Variants in SMARCA4 observed in about 807,000 individuals in gnomAD.
The protein encoded by SMARCA4 is SWI/SNF-related matrix-associated actin-dependent regulator of chromatin subfamily A member 4.
In SMARCA4, 31 loss-of-function variants were observed where a neutral mutation model predicts 193.9. The observed-to-expected ratio is 0.16, with a 90% confidence interval of 0.12 to 0.22. The LOEUF is 0.22. Among genes scored for constraint, SMARCA4 ranks in the 10% least tolerant of loss-of-function variants. The probability of loss-of-function intolerance (pLI) is 1.00; values close to 1 mark genes in which losing one functional copy is unlikely to be tolerated. For missense variants in SMARCA4, 1,148 were observed against 2,296.0 expected, an observed-to-expected ratio of 0.50 and a Z score of 10.22; for synonymous variants, 942 against 933.1, an observed-to-expected ratio of 1.01 and a Z score of -0.17.
At position 10,987,133 on chromosome 19, in the gene SMARCA4, T is replaced by C; in HGVS notation, c.859+130T>C. On this transcript the variant is annotated intron_variant, in intron 5 of 34. Coordinates refer to ENST00000344626, the MANE Select transcript of SMARCA4 (RefSeq NM_003072.5). This position sits in a 1 kb window ranked among gnomAD's most constrained non-coding sequence, Gnocchi z 5.3. ...GGCTGAACTGCAGCCTGTACTTTTC[T>C]TGTGGTGGTCCCCGGGTCTCCCCTG... 1.4e-6 allele frequency: 1 copy of C among 714,224 alleles called. No individual in the cohort carries two copies. Among genetic ancestry groups the C allele is most frequent in the South Asian group, 1.5e-5 (1 of 66,684 alleles). The allele number at this position is 714,224 out of a possible 1,614,324, so 44.2% of individuals were successfully genotyped here. A position where few individuals can be genotyped will look rare whatever the true frequency, so the allele number is the denominator to read the frequency against.
At chr19:10,963,906 G>A (rs1020986032) in intron 1 of SMARCA4, among the ~76,000 whole-genome samples, 2 of 152,088 alleles carry the variant, frequency 1.3e-5, no homozygotes, top group Admixed American at 6.6e-5. Flanking sequence ...CTGCACTCCA[G>A]CCTGGGTGAC....
chr19:10,995,543 A>G (rs1323542859), intron 9 of SMARCA4: 2 of 455,432 alleles, frequency 4.4e-6, no homozygotes, highest in South Asian at 3.1e-5. Context: ...GGGACAGGGT[A>G]GTAAGTAAAA....
intron 34 of SMARCA4, 191 bp from the exon 35 acceptor site, chr19:11,061,593 G>C: frequency 3.1e-6 from 2 of 651,960 alleles, no homozygotes; most frequent in Non-Finnish European, 5.6e-6. Context: ...AGCCAGGATG[G>C]TCTCGATCTC....
chr19:11,016,765 A>G (rs962375755), intron 16 of SMARCA4, among the ~76,000 whole-genome samples: 1 of 152,094 alleles, frequency 6.6e-6, no homozygotes, highest in African/African-American at 2.4e-5. Context: ...AGCTTTGGCC[A>G]CTGGGAGTGC....
chr19:11,060,342 AG>A, intron 34 of SMARCA4, 155 bp downstream of exon 34: 1 of 935,598 alleles, frequency 1.1e-6, no homozygotes, highest in Non-Finnish European at 1.7e-6. Context: ...CAGGTCACAC[AG>A]CCAGTATGTG....
At chr19:10,964,262 A>G (rs747837946) in intron 1 of SMARCA4, among the ~76,000 whole-genome samples, 2 of 151,822 alleles carry the variant, frequency 1.3e-5, no homozygotes, top group African/African-American at 2.4e-5. Context: ...AGGTGGGAGC[A>G]TGGGAGGGAC....
chr19:10,976,907 AT>A (rs2085177136), intron 1 of SMARCA4, among the ~76,000 whole-genome samples: 2 of 152,148 alleles, frequency 1.3e-5, no homozygotes, highest in African/African-American at 4.8e-5. Flanking sequence ...ATACAAAAAA[AT>A]TAGCCAGGTT....
chr19:10,990,603 G>C lies in SMARCA4; in HGVS notation c.1246-547G>C, dbSNP rs1308185438. ...GGTTTTTGTATTTTTAATAGACACA[G>C]GGTTTCGCCATGTCGCCCAGGCTAG... On this transcript the variant is annotated intron_variant, in intron 7 of 34. Transcript: ENST00000344626. 6.6e-5 allele frequency among the ~76,000 whole-genome samples: 10 copies of C among 152,000 alleles called. No individual in the cohort carries two copies. The East Asian group carries it at 1.9e-3, about 29-fold the overall frequency.
In SMARCA4 at chr19:11,019,181, CGGGAGTTTGGACTG is replaced by C; in HGVS notation, c.2505+161_2505+174del. 1.4e-6 allele frequency: 1 copy of C among 712,858 alleles called. No homozygotes were observed. The highest frequency in any genetic ancestry group is 2.5e-6 in the Non-Finnish European group (1 of 392,192). The allele number at this position is 712,858 out of a possible 1,614,324, so 44.2% of individuals were successfully genotyped here. A position where few individuals can be genotyped will look rare whatever the true frequency, so the allele number is the denominator to read the frequency against. On this transcript the variant is annotated intron_variant, in intron 17 of 34. Coordinates refer to ENST00000344626, the MANE Select transcript of SMARCA4 (RefSeq NM_003072.5). The surrounding 1 kb of genome is among the most constrained non-coding windows in gnomAD (Gnocchi z 6.1). Reference sequence around the variant, plus strand: ...GCCTGGAACTCCAGTCACATGGATCCGGGAGTTTGGACTGGGCAGGGACAGGGCAGATTAGCTCA... The same window carrying C: ...GCCTGGAACTCCAGTCACATGGATCCGGCAGGGACAGGGCAGATTAGCTCA...
Position 11,053,840 on chromosome 19 carries a change from G to A in SMARCA4, c.4425-4415G>A, listed in dbSNP as rs549876829. Among the ~76,000 whole-genome samples, 15 of 152,304 alleles carry A rather than the reference G, an allele frequency of 9.8e-5. No homozygotes were observed. In the South Asian group the frequency reaches 1.5e-3, roughly 15 times the overall value. On this transcript the variant is annotated intron_variant, in intron 30 of 34. Transcript: ENST00000344626. The stretch of plus-strand genomic sequence containing the variant: ...GCAGTAGGATCTCATGAGCCCAGGA[G>A]TTGGAGGCTTCAGTGAGCTAGGATG...
intron 1 of SMARCA4, among the ~76,000 whole-genome samples, chr19:10,973,736 AT>A (rs1300337444): frequency 6.6e-6 from 1 of 151,476 alleles, no homozygotes; most frequent in Non-Finnish European, 1.5e-5. Context: ...CGCCCGGCTA[AT>A]TTTTTGTATT....
intron 15 of SMARCA4, 147 bp from the exon 16 acceptor site, chr19:11,012,802 G>T: frequency 1.4e-6 from 1 of 737,632 alleles, no homozygotes. Context: ...TTGGTTCAGA[G>T]GAAAAATCCG....
rs1600024348 is a variant in SMARCA4 at position 10,991,299 on chromosome 19, G to A, written c.1395G>A (p.Glu465=). The stretch of plus-strand genomic sequence containing the variant: ...AGAAGCAGCAGAAGATCGAGCAGGA[G>A]CGCAAGCGCCGGCAGAAGCACCAGG... ...KLEKQQKIEQ[E]RKRRQKHQEY... The change falls in exon 8 of 35, where the codon GAG becomes GAA. Residue 465 remains glutamate, a synonymous_variant. Coordinates refer to ENST00000344626, the MANE Select transcript of SMARCA4 (RefSeq NM_003072.5). 1 of 1,606,966 alleles carries A rather than the reference G, an allele frequency of 6.2e-7. No individual in the cohort carries two copies. The highest frequency in any genetic ancestry group is 8.5e-7 in the Non-Finnish European group (1 of 1,177,146).
chr19:11,049,296 G>A (rs181587403), intron 30 of SMARCA4, among the ~76,000 whole-genome samples: 97 of 152,264 alleles, frequency 6.4e-4, no homozygotes, highest in African/African-American at 2.3e-3. Context: ...TTTCTCCTTG[G>A]TGGTTTGAAA....
chr19:10,996,807 T>C (rs2145989150), intron 11 of SMARCA4, among the ~76,000 whole-genome samples: 1 of 152,202 alleles, frequency 6.6e-6, no homozygotes, highest in South Asian at 2.1e-4. Context: ...ACAGGAGAGG[T>C]GCAAGAACCG....
At position 11,034,838 on chromosome 19, in the gene SMARCA4, C is replaced by A; in HGVS notation, c.3952-76C>A. 1 of 949,674 alleles carries A rather than the reference C, an allele frequency of 1.1e-6. No homozygotes were observed. The highest frequency in any genetic ancestry group is 1.6e-6 in the Non-Finnish European group (1 of 610,704). The allele number at this position is 949,674 out of a possible 1,614,324, so 58.8% of individuals were successfully genotyped here. A position where few individuals can be genotyped will look rare whatever the true frequency, so the allele number is the denominator to read the frequency against. On this transcript the variant is annotated intron_variant, in intron 28 of 34. Transcript: ENST00000344626. This position sits in a 1 kb window ranked among gnomAD's most constrained non-coding sequence, Gnocchi z 7.0. ...ACGGGCAGAGAAAGGCCCTTCTGAACTCTCGGTGTTCTGGCTCTAGCGTGC... is the reference window on the plus strand; with the variant it reads ...ACGGGCAGAGAAAGGCCCTTCTGAAATCTCGGTGTTCTGGCTCTAGCGTGC...
chr19:11,033,606 C>T lies in SMARCA4; in HGVS notation c.3774+89C>T, dbSNP rs571900450. The T allele has an allele frequency of 1.9e-5, 19 of 1,021,102 alleles. No individual in the cohort carries two copies. In the East Asian group the frequency reaches 4.6e-4, roughly 25 times the overall value. 63.3% of individuals were successfully genotyped at this position (1,021,102 alleles called of 1,614,324 possible). ...TTTTTGTTTTTTTACCTTTTTTGCACTCTTATTTTTTTTGCATCCCTTTGG... is the reference window on the plus strand; with the variant it reads ...TTTTTGTTTTTTTACCTTTTTTGCATTCTTATTTTTTTTGCATCCCTTTGG... On this transcript the variant is annotated intron_variant, in intron 26 of 34. Transcript: ENST00000344626. The surrounding 1 kb of genome is among the most constrained non-coding windows in gnomAD (Gnocchi z 9.8).
intron 30 of SMARCA4, among the ~76,000 whole-genome samples, chr19:11,049,687 G>C (rs2076150973): frequency 6.6e-6 from 1 of 152,156 alleles, no homozygotes; most frequent in Non-Finnish European, 1.5e-5. Flanking sequence ...GGTGTGCTTG[G>C]TAAGGGCTCA....
At position 11,034,295 on chromosome 19, in the gene SMARCA4, A is replaced by G; in HGVS notation, c.3951+95A>G. 1.0e-6 allele frequency: 1 copy of G among 1,002,036 alleles called. No homozygotes were observed. Among genetic ancestry groups the G allele is most frequent in the Non-Finnish European group, 1.6e-6 (1 of 633,824 alleles). 62.1% of individuals were successfully genotyped at this position (1,002,036 alleles called of 1,614,324 possible). A position where few individuals can be genotyped will look rare whatever the true frequency, so the allele number is the denominator to read the frequency against. ...TCCTAGTGCCCATGGTGGTATCCCT[A>G]GCAGGTCAGGGAGCCAGGGACAGCT... On this transcript the variant is annotated intron_variant, in intron 28 of 34. Coordinates refer to ENST00000344626, the MANE Select transcript of SMARCA4 (RefSeq NM_003072.5). This position sits in a 1 kb window ranked among gnomAD's most constrained non-coding sequence, Gnocchi z 7.0.
Sources: allele counts gnomAD v4.1 joint callset (sites outside exome capture counted in the v4.1 genomes callset), GRCh38; gene constraint gnomAD v4.1.1; non-coding constraint Gnocchi (gnomAD v3.1); transcripts MANE v1.5; gene names NCBI Gene and HGNC (gene_info 2026-07-23, HGNC 2026-07-21).